The following AMACR variants were observed in gnomAD, a reference collection of about 807,000 sequenced individuals.
AMACR encodes the protein 2-methylacyl-CoA racemase.
Under a neutral mutation model 22.2 loss-of-function variants are expected in AMACR, and 18 were observed. That is an observed-to-expected ratio of 0.81 (90% CI 0.56 to 1.20). The LOEUF is 1.20. Ranked by LOEUF, AMACR falls within the 50% of genes most tolerant of loss-of-function variation. The pLI is 0.00. For missense variants in AMACR, 499 were observed against 490.6 expected (o/e 1.02, Z -0.16); for synonymous variants, 213 against 191.3 (o/e 1.11, Z -0.94).
At position 34,004,612 on chromosome 5, in the gene AMACR, T is replaced by C. The variant is rs773084615; in HGVS notation, c.514A>G (p.Thr172Ala). The change falls in exon 3 of 5, where the codon ACA (threonine) becomes GCA (alanine). Residue 172 changes from threonine to alanine, a missense_variant. Physicochemically the swap from Thr to Ala is moderately conservative, Grantham distance 58 (BLOSUM62 0). Transcript: ENST00000335606. ...ATGACCTGACCCTTGCCAGTGCGTGTGCGGTCAAAAAGAGCCATTATAATG... is the reference window on the plus strand; with the variant it reads ...ATGACCTGACCCTTGCCAGTGCGTGCGCGGTCAAAAAGAGCCATTATAATG... ...LGIIMALFDR[T>A]RTGKGQVIDA... 15 of 1,614,072 alleles carry C rather than the reference T, an allele frequency of 9.3e-6. No individual in the cohort carries two copies. The Admixed American group carries it at 2.0e-4, about 22-fold the overall frequency.
chr5:33,989,192 A>G lies in AMACR; in HGVS notation c.1050T>C (p.Thr350=). 6.2e-7 allele frequency: 1 copy of G among 1,614,150 alleles called. No homozygotes were observed. The highest frequency in any genetic ancestry group is 8.5e-7 in the Non-Finnish European group (1 of 1,180,028). Residue 350 remains threonine, a synonymous_variant, in exon 5 of 5, where the codon ACT becomes ACC. Transcript: ENST00000335606. ...ATCCAAATTCTTCAAGTATCTCCTC[A>G]GTGTGTTCTCCTATGAAAGGATCCC... ...FKRDPFIGEH[T]EEILEEFGFS...
At chr5:34,005,994 G>A in intron 1 of AMACR, 95 bp from the exon 2 acceptor site, 2 of 1,420,968 alleles carry the variant, frequency 1.4e-6, no homozygotes, top group Non-Finnish European at 2.0e-6. Context: ...ACCATTGCAA[G>A]TAATATTAAT....
In AMACR at chr5:34,001,614, G is replaced by A. The variant is rs79976342; in HGVS notation, c.553-2787C>T. On this transcript the variant is annotated intron_variant, in intron 3 of 4. Transcript: ENST00000335606. The stretch of plus-strand genomic sequence containing the variant: ...TTTATGCTACAGTTAATTTAACAAC[G>A]CTGTGCTCATCATGTGGGCTCAGAT... Among the ~76,000 whole-genome samples, 12 of 152,300 alleles carry A rather than the reference G, an allele frequency of 7.9e-5. 1 individual carries two copies. The East Asian group carries it at 2.3e-3, about 29-fold the overall frequency.
chr5:33,994,595 G>C (rs1286539187), intron 4 of AMACR, among the ~76,000 whole-genome samples: 1 of 152,216 alleles, frequency 6.6e-6, no homozygotes, highest in Non-Finnish European at 1.5e-5. Flanking sequence ...GAAAGAGAAT[G>C]CTGAGGCATT....
At position 33,986,346 on chromosome 5, in the gene AMACR, TGA is replaced by T. The variant is rs1753290575; in HGVS notation, c.*2745_*2746del. Reference sequence around the variant, plus strand: ...TCGTGGTACTTAACACATTTTACAATGAGATAATTCTGGGTTTATTCCATATC... The same window carrying T: ...TCGTGGTACTTAACACATTTTACAATGATAATTCTGGGTTTATTCCATATC... On this transcript the variant is annotated 3_prime_UTR_variant, in exon 5 of 5. Coordinates refer to ENST00000335606, the MANE Select transcript of AMACR (RefSeq NM_014324.6). 2 of 152,212 alleles carry T rather than the reference TGA, an allele frequency of 1.3e-5. No homozygotes were observed. Among genetic ancestry groups the T allele is most frequent in the African/African-American group, 4.8e-5 (2 of 41,450 alleles). 9.4% of individuals were successfully genotyped at this position (152,212 alleles called of 1,614,324 possible).
rs947398595 is a variant in AMACR at position 33,986,991 on chromosome 5, G to T, written c.*2102C>A. On this transcript the variant is annotated 3_prime_UTR_variant, in exon 5 of 5. Transcript: ENST00000335606. ...GTTCAAATGAAAAGTCTGAGTTGTA[G>T]GGAAAACATCTTTTTTATTATTATT... The T allele has an allele frequency of 2.6e-5, 4 of 152,072 alleles. No individual in the cohort carries two copies. Among genetic ancestry groups the T allele is most frequent in the Admixed American group, 1.3e-4 (2 of 15,246 alleles). 9.4% of individuals were successfully genotyped at this position (152,072 alleles called of 1,614,324 possible).
intron 3 of AMACR, 43 bp downstream of exon 3, chr5:34,004,531 A>C (rs370924790): frequency 3.1e-6 from 5 of 1,613,044 alleles, no homozygotes; most frequent in Non-Finnish European, 4.2e-6. Flanking sequence ...TATATCTTAA[A>C]CTTAGGGACA....
At position 34,007,901 on chromosome 5, in the gene AMACR, C is replaced by G. The variant is rs746362245; in HGVS notation, c.119G>C (p.Arg40Pro). 4 of 1,603,002 alleles carry G rather than the reference C, an allele frequency of 2.5e-6. No homozygotes were observed. The African/African-American group carries it at 4.0e-5, about 16-fold the overall frequency. The change falls in exon 1 of 5, where the codon CGC (arginine) becomes CCC (proline). Residue 40 changes from arginine (R) to proline (P), a missense_variant. By Grantham distance (103) the Arg-to-Pro change is moderately radical. Transcript: ENST00000335606. ...RVVRVDRPGS[R>P]YDVSRLGRGK... is the part of the protein sequence containing the mutation. ...CCGGCCCAAGCGGCTCACGTCGTAG[C>G]GGGAGCCGGGCCGGTCCACGCGTAC...
At chr5:33,997,147 T>G (rs1035637083) in intron 4 of AMACR, 55 of 750,216 alleles carry the variant, frequency 7.3e-5, no homozygotes, top group South Asian at 5.9e-4. Context: ...TGATCCATTT[T>G]GGGGTGTTGT....
At chr5:34,001,808 G>A (rs1401946959) in intron 3 of AMACR, among the ~76,000 whole-genome samples, 1 of 152,160 alleles carries the variant, frequency 6.6e-6, no homozygotes, top group Admixed American at 6.5e-5. Context: ...GAAGGTATCT[G>A]CCTTCCCCTA....
intron 4 of AMACR, among the ~76,000 whole-genome samples, chr5:33,990,155 C>T (rs1261392498): frequency 6.6e-6 from 1 of 152,106 alleles, no homozygotes; most frequent in Non-Finnish European, 1.5e-5. Context: ...CATCCATCCA[C>T]CCATCCATCC....
chr5:34,005,917 G>T lies in AMACR; in HGVS notation c.248-18C>A. The T allele has an allele frequency of 6.2e-7, 1 of 1,613,726 alleles. No homozygotes were observed. The highest frequency in any genetic ancestry group is 8.5e-7 in the Non-Finnish European group (1 of 1,179,804). On this transcript the variant is annotated intron_variant, in intron 1 of 4. Coordinates refer to ENST00000335606, the MANE Select transcript of AMACR (RefSeq NM_014324.6). The stretch of plus-strand genomic sequence containing the variant: ...CATGACACCTTAAGAGAAAAGTAAC[G>T]ATCTTCTTAAGAGAGTATGAATTGA...
At chr5:34,001,056 T>G (rs1753800329) in intron 3 of AMACR, among the ~76,000 whole-genome samples, 3 of 152,116 alleles carry the variant, frequency 2.0e-5, no homozygotes, top group Admixed American at 6.5e-5. Flanking sequence ...GCAGGAACCC[T>G]CCTCGTCTCA....
chr5:34,005,076 G>GT (rs1281607443), intron 2 of AMACR, among the ~76,000 whole-genome samples: 3 of 152,290 alleles, frequency 2.0e-5, no homozygotes, highest in East Asian at 3.9e-4. Flanking sequence ...ATAAAGAAAT[G>GT]TAAGAAAATA....
intron 3 of AMACR, among the ~76,000 whole-genome samples, chr5:34,002,556 G>A (rs938266891): frequency 1.3e-5 from 2 of 152,142 alleles, no homozygotes; most frequent in African/African-American, 4.8e-5. Context: ...AGTGGCTTTA[G>A]GGTCCAACTG....
At position 33,988,735 on chromosome 5, in the gene AMACR, A is replaced by G. The variant is rs1230999773; in HGVS notation, c.*358T>C. 7 of 1,199,682 alleles carry G rather than the reference A, an allele frequency of 5.8e-6. No individual in the cohort carries two copies. In the East Asian group the frequency reaches 3.2e-4, roughly 55 times the overall value. 74.3% of individuals were successfully genotyped at this position (1,199,682 alleles called of 1,614,324 possible). ...CCTCATTTTCTACATTGTAGAATCAAGAGTGTAAATAAATGTATATCGATG... is the reference window on the plus strand; with the variant it reads ...CCTCATTTTCTACATTGTAGAATCAGGAGTGTAAATAAATGTATATCGATG... On this transcript the variant is annotated 3_prime_UTR_variant, in exon 5 of 5. Transcript: ENST00000335606.
At chr5:33,999,343 T>C (rs1310517392) in intron 3 of AMACR, among the ~76,000 whole-genome samples, 1 of 152,138 alleles carries the variant, frequency 6.6e-6, no homozygotes, top group Middle Eastern at 3.2e-3. Context: ...CCAAGAAAAC[T>C]GTATTTGAGT....
chr5:33,993,085 A>G (rs867811248), intron 4 of AMACR, among the ~76,000 whole-genome samples: 1 of 151,840 alleles, frequency 6.6e-6, no homozygotes. Context: ...TCCCGCTCCT[A>G]CCTCCCCACA....
At position 33,989,003 on chromosome 5, in the gene AMACR, G is replaced by C; in HGVS notation, c.*90C>G. On this transcript the variant is annotated 3_prime_UTR_variant, in exon 5 of 5. Coordinates refer to ENST00000335606, the MANE Select transcript of AMACR (RefSeq NM_014324.6). Reference sequence around the variant, plus strand: ...TAGAGTGGTAGGACACTGTAATACTGTTCCTCCATGTTTCCATGCATACAA... The same window carrying C: ...TAGAGTGGTAGGACACTGTAATACTCTTCCTCCATGTTTCCATGCATACAA... 6.3e-7 allele frequency: 1 copy of C among 1,584,082 alleles called. No individual in the cohort carries two copies. Among genetic ancestry groups the C allele is most frequent in the Non-Finnish European group, 8.6e-7 (1 of 1,165,400 alleles).
Sources: gnomAD v4.1 joint callset for allele counts (sites outside exome capture counted in the v4.1 genomes callset) on GRCh38, gnomAD v4.1.1 for gene constraint, MANE v1.5 for transcripts, NCBI Gene and HGNC (gene_info 2026-07-23, HGNC 2026-07-21) for gene names.